WNT4: variants seen among roughly 807,000 people sequenced by gnomAD.
WNT4 encodes the protein protein Wnt-4.
WNT4 carries 16 observed loss-of-function variants against 34.5 expected under a neutral mutation model. That is an observed-to-expected ratio of 0.46 (90% CI 0.31 to 0.70). WNT4 has a LOEUF of 0.70. Ranked by LOEUF, WNT4 falls within the 30% of genes least tolerant of loss-of-function variation. The probability of loss-of-function intolerance (pLI) is 0.04; values close to 1 mark genes in which losing one functional copy is unlikely to be tolerated. For missense variants in WNT4, 379 were observed against 495.9 expected, an observed-to-expected ratio of 0.76 and a Z score of 2.24; for synonymous variants, 200 against 211.9, an observed-to-expected ratio of 0.94 and a Z score of 0.49.
At position 22,120,479 on chromosome 1, in the gene WNT4, G is replaced by A. The variant is rs150242481; in HGVS notation, c.627C>T (p.His209=). The change falls in exon 5 of 5, where the codon CAC becomes CAT. Residue 209 remains histidine, a synonymous_variant. Transcript: ENST00000290167. ...LTHMRVECKC[H]GVSGSCEVKT... Reference sequence around the variant, plus strand: ...TTACCTCACAGGAGCCTGACACCCCGTGGCACTTGCATTCCACCCGCATGT... The same window carrying A: ...TTACCTCACAGGAGCCTGACACCCCATGGCACTTGCATTCCACCCGCATGT... The A allele has an allele frequency of 1.6e-5, 26 of 1,613,350 alleles. No individual in the cohort carries two copies. The highest frequency in any genetic ancestry group is 2.1e-5 in the Non-Finnish European group (25 of 1,179,960).
At chr1:22,127,787 G>A (rs1162766839) in intron 2 of WNT4, among the ~76,000 whole-genome samples, 3 of 152,190 alleles carry the variant, frequency 2.0e-5, no homozygotes, top group Non-Finnish European at 4.4e-5. Flanking sequence ...CCCACAGCAA[G>A]AACAAAGAGC....
At chr1:22,128,864 C>T (rs1034868277) in intron 2 of WNT4, among the ~76,000 whole-genome samples, 4 of 152,120 alleles carry the variant, frequency 2.6e-5, no homozygotes, top group Non-Finnish European at 4.4e-5. Flanking sequence ...GGACTACAGG[C>T]GCCCGCCACC....
rs762620228 is a variant in WNT4 at position 22,140,186 on chromosome 1, C to T, written c.77+2660G>A. On this transcript the variant is annotated intron_variant, in intron 1 of 4. Transcript: ENST00000290167. This position sits in a 1 kb window ranked among gnomAD's most constrained non-coding sequence, Gnocchi z 5.9. ...CAGCTATCCTCTCGGGGCCAGGCCTCCTCATACCTCACACTTGAAAAGACA... is the reference window on the plus strand; with the variant it reads ...CAGCTATCCTCTCGGGGCCAGGCCTTCTCATACCTCACACTTGAAAAGACA... The T allele has an allele frequency of 3.0e-6, 3 of 985,342 alleles. No homozygotes were observed. The highest frequency in any genetic ancestry group is 2.4e-6 in the Non-Finnish European group (2 of 829,944). 61.0% of individuals were successfully genotyped at this position (985,342 alleles called of 1,614,324 possible). A position where few individuals can be genotyped will look rare whatever the true frequency, so the allele number is the denominator to read the frequency against.
At chr1:22,138,918 G>A (rs911419264) in intron 1 of WNT4, among the ~76,000 whole-genome samples, 2 of 152,200 alleles carry the variant, frequency 1.3e-5, no homozygotes, top group Non-Finnish European at 2.9e-5. Flanking sequence ...GCCGGAAGTC[G>A]CACACCAGTG....
intron 1 of WNT4, among the ~76,000 whole-genome samples, chr1:22,131,071 G>C (rs886596870): frequency 1.3e-5 from 2 of 152,248 alleles, no homozygotes; most frequent in Non-Finnish European, 2.9e-5. Flanking sequence ...GGTTGAGCAG[G>C]ACTTGAACCT....
At chr1:22,121,422 C>T (rs1256953926) in intron 3 of WNT4, 23 bp downstream of exon 3, 1 of 1,613,954 alleles carries the variant, frequency 6.2e-7, no homozygotes. Flanking sequence ...TGCCCTCCCA[C>T]TCTGACCACC....
chr1:22,139,754 G>GA lies in WNT4; in HGVS notation c.77+3091dup, dbSNP rs1314220410. On this transcript the variant is annotated intron_variant, in intron 1 of 4. Coordinates refer to ENST00000290167, the MANE Select transcript of WNT4 (RefSeq NM_030761.5). This position sits in a 1 kb window ranked among gnomAD's most constrained non-coding sequence, Gnocchi z 4.6. ...ACTCCCGGTACAGCCTCAGTGCAGG[G>GA]AAGAGGGGACATTAGAAACATTTCT... is the stretch of plus-strand genomic sequence containing the variant. 6.6e-6 allele frequency among the ~76,000 whole-genome samples: 1 copy of GA among 152,208 alleles called. No homozygotes were observed. Among genetic ancestry groups the GA allele is most frequent in the Admixed American group, 6.5e-5 (1 of 15,288 alleles).
chr1:22,142,248 A>T lies in WNT4; in HGVS notation c.77+598T>A, dbSNP rs1181042449. The stretch of plus-strand genomic sequence containing the variant: ...GACGGAGTTTCTTCCTGCCCCGGGG[A>T]AAAACCAAGGCCCGGCCAGCGCCAG... On this transcript the variant is annotated intron_variant, in intron 1 of 4. Coordinates refer to ENST00000290167, the MANE Select transcript of WNT4 (RefSeq NM_030761.5). The surrounding 1 kb of genome is among the most constrained non-coding windows in gnomAD (Gnocchi z 6.0). Among the ~76,000 whole-genome samples the T allele has an allele frequency of 2.0e-5, 3 of 152,004 alleles. No individual in the cohort carries two copies. The highest frequency in any genetic ancestry group is 2.9e-5 in the Non-Finnish European group (2 of 67,962).
chr1:22,132,859 C>T (rs1230895274), intron 1 of WNT4, among the ~76,000 whole-genome samples: 2 of 152,150 alleles, frequency 1.3e-5, no homozygotes, highest in African/African-American at 2.4e-5. Flanking sequence ...ACCCCTGTTC[C>T]CCCAGACCCC....
At chr1:22,128,338 C>T (rs1375030997) in intron 2 of WNT4, among the ~76,000 whole-genome samples, 8 of 152,176 alleles carry the variant, frequency 5.3e-5, no homozygotes, top group African/African-American at 1.9e-4. Context: ...AGGGCCTTGT[C>T]GATGGATAGT....
rs1042239674 is a variant in WNT4 at position 22,142,056 on chromosome 1, C to G, written c.77+790G>C. Among the ~76,000 whole-genome samples, 1 of 152,194 alleles carries G rather than the reference C, an allele frequency of 6.6e-6. No homozygotes were observed. Among genetic ancestry groups the G allele is most frequent in the African/African-American group, 2.4e-5 (1 of 41,466 alleles). On this transcript the variant is annotated intron_variant, in intron 1 of 4. Transcript: ENST00000290167. This position sits in a 1 kb window ranked among gnomAD's most constrained non-coding sequence, Gnocchi z 6.0. ...CCCTGTCCACCCACTCACTGGAGCT[C>G]ATCCCTTTAGTCTCCCTCCCTGCAG...
At chr1:22,125,799 C>T (rs150411486) in intron 2 of WNT4, among the ~76,000 whole-genome samples, 5 of 152,330 alleles carry the variant, frequency 3.3e-5, no homozygotes, top group Non-Finnish European at 5.9e-5. Flanking sequence ...CCTCTCCCAC[C>T]TGCCCAGGCA....
At chr1:22,132,099 C>A (rs962352353) in intron 1 of WNT4, among the ~76,000 whole-genome samples, 3 of 152,224 alleles carry the variant, frequency 2.0e-5, no homozygotes, top group Non-Finnish European at 4.4e-5. Context: ...AGCCCGGCTA[C>A]TGGCTGTGGG....
intron 1 of WNT4, among the ~76,000 whole-genome samples, chr1:22,132,762 T>C (rs1645993996): frequency 6.6e-6 from 1 of 152,252 alleles, no homozygotes; most frequent in South Asian, 2.1e-4. Flanking sequence ...ACCTCTTCCG[T>C]TGGCACCAGT....
At position 22,118,444 on chromosome 1, in the gene WNT4, CCTT is replaced by C. The variant is rs1186503822; in HGVS notation, c.*1603_*1605del. On this transcript the variant is annotated 3_prime_UTR_variant, in exon 5 of 5. Coordinates refer to ENST00000290167, the MANE Select transcript of WNT4 (RefSeq NM_030761.5). ...GGGCAAGGTCTTGATCCATGCATGT[CCTT>C]CTCACAAGCCTGGGCGGGGCTCGTG... The C allele has an allele frequency of 6.6e-6, 1 of 152,236 alleles. No homozygotes were observed. The highest frequency in any genetic ancestry group is 1.5e-5 in the Non-Finnish European group (1 of 68,064). 9.4% of individuals were successfully genotyped at this position (152,236 alleles called of 1,614,324 possible).
chr1:22,139,253 G>C lies in WNT4; in HGVS notation c.77+3593C>G, dbSNP rs1368017779. Among the ~76,000 whole-genome samples the C allele has an allele frequency of 6.6e-6, 1 of 152,186 alleles. No individual in the cohort carries two copies. The highest frequency in any genetic ancestry group is 2.4e-5 in the African/African-American group (1 of 41,432). On this transcript the variant is annotated intron_variant, in intron 1 of 4. Coordinates refer to ENST00000290167, the MANE Select transcript of WNT4 (RefSeq NM_030761.5). The surrounding 1 kb of genome is among the most constrained non-coding windows in gnomAD (Gnocchi z 4.6). ...CTCCCTGACAGCAGCCCTTGCTTCC[G>C]GCAGCTGCCAGGGCTGCCATTTCCA...
chr1:22,124,109 G>A (rs549872504), intron 2 of WNT4, among the ~76,000 whole-genome samples: 28 of 152,316 alleles, frequency 1.8e-4, no homozygotes, highest in Non-Finnish European at 3.1e-4. Context: ...GGAGGACCTG[G>A]CAGAGCACTC....
intron 1 of WNT4, among the ~76,000 whole-genome samples, chr1:22,132,081 G>A (rs971097301): frequency 1.3e-5 from 2 of 152,222 alleles, no homozygotes; most frequent in African/African-American, 2.4e-5. Flanking sequence ...CCTGCAGGGG[G>A]CGCCAAGAGC....
intron 2 of WNT4, among the ~76,000 whole-genome samples, chr1:22,126,229 C>T (rs1400785465): frequency 6.6e-6 from 1 of 152,214 alleles, no homozygotes; most frequent in African/African-American, 2.4e-5. Context: ...TGCCTCCAGG[C>T]CAGGAGCAGG....
Sources: allele counts gnomAD v4.1 joint callset (sites outside exome capture counted in the v4.1 genomes callset), GRCh38; gene constraint gnomAD v4.1.1; non-coding constraint Gnocchi (gnomAD v3.1); transcripts MANE v1.5; gene names NCBI Gene and HGNC (gene_info 2026-07-23, HGNC 2026-07-21).